The following EPB41 variants were observed in gnomAD, a reference collection of about 807,000 sequenced individuals.
EPB41 encodes protein 4.1.
EPB41 carries 65 observed loss-of-function variants against 108.0 expected under a neutral mutation model. That is an observed-to-expected ratio of 0.60 (90% confidence interval 0.49 to 0.74). The LOEUF is 0.74. EPB41 is among the 30% of genes least tolerant of loss of function. The pLI, the probability that EPB41 is intolerant of heterozygous loss-of-function variation, is 0.00. For synonymous variants in EPB41, 336 were observed against 358.9 expected (o/e 0.94, Z 0.72); for missense variants, 875 against 1,037.0 (o/e 0.84, Z 2.15).
chr1:28,969,843 G>A (rs146742722), intron 1 of EPB41, among the ~76,000 whole-genome samples: 1,792 of 152,296 alleles, frequency 0.012, 35 homozygotes, highest in African/African-American at 0.041. Flanking sequence ...AGAGCTTGCA[G>A]TGAGCCAAGA....
rs779177034 is a variant in EPB41, at chr1:28,953,072, A to AT, written c.-7-34359_-7-34358insT. Among the ~76,000 whole-genome samples, 272 of 116,980 alleles carry AT rather than the reference A, an allele frequency of 2.3e-3. 1 individual carries two copies. Among genetic ancestry groups the AT allele is most frequent in the Middle Eastern group, 0.017 (4 of 232 alleles). The allele number at this position is 116,980 out of a possible 152,430, so 76.7% of individuals were successfully genotyped here. A position where few individuals can be genotyped will look rare whatever the true frequency, so the allele number is the denominator to read the frequency against. On this transcript the variant is annotated intron_variant, in intron 1 of 20. Coordinates refer to ENST00000343067, the MANE Select transcript of EPB41 (RefSeq NM_001376013.1). ...TCAAATTTCTAGTTGTCTCAAATGG[A>AT]ATTTTTTTTTTTTGGTAATTTCATT...
intron 16 of EPB41, among the ~76,000 whole-genome samples, chr1:29,087,450 C>T (rs1216216990): frequency 2.0e-5 from 3 of 152,040 alleles, no homozygotes. Flanking sequence ...GCAACCTCCA[C>T]GTCCTTGGTT....
intron 11 of EPB41, among the ~76,000 whole-genome samples, chr1:29,043,307 C>T (rs1012879886): frequency 5.3e-5 from 8 of 152,096 alleles, no homozygotes; most frequent in Admixed American, 2.0e-4. Context: ...GTGAAGGAGC[C>T]GGCCATCTCA....
At chr1:29,114,611 C>G (rs2151751822) in intron 19 of EPB41, among the ~76,000 whole-genome samples, 1 of 144,776 alleles carries the variant, frequency 6.9e-6, no homozygotes, top group East Asian at 2.0e-4. Context: ...CCACTGCACT[C>G]CAGCCTGGGC....
At chr1:29,011,301 G>A (rs1038871178) in intron 4 of EPB41, among the ~76,000 whole-genome samples, 1 of 151,714 alleles carries the variant, frequency 6.6e-6, no homozygotes, top group African/African-American at 2.4e-5. Flanking sequence ...CGAGGCGGAG[G>A]TTGCAGTGAG....
chr1:28,946,370 G>T (rs1354188696), intron 1 of EPB41, among the ~76,000 whole-genome samples: 1 of 152,114 alleles, frequency 6.6e-6, no homozygotes, highest in Non-Finnish European at 1.5e-5. Context: ...GCCTCCCAAA[G>T]TGCTGGGATT....
At position 28,887,721 on chromosome 1, in the gene EPB41, A is replaced by G. The variant is rs1373534548; in HGVS notation, c.-8+511A>G. ...TACGTAACTGACTTTGAGTTTCCGGACCCAGGAACCGACCCGCCAGCTGGG... is the reference window on the plus strand; with the variant it reads ...TACGTAACTGACTTTGAGTTTCCGGGCCCAGGAACCGACCCGCCAGCTGGG... On this transcript the variant is annotated intron_variant, in intron 1 of 16. Transcript: ENST00000347529. The surrounding 1 kb of genome is among the most constrained non-coding windows in gnomAD (Gnocchi z 4.9). 5 of 982,240 alleles carry G rather than the reference A, an allele frequency of 5.1e-6. No individual in the cohort carries two copies. In the African/African-American group the frequency reaches 8.8e-5, roughly 17 times the overall value. The allele number at this position is 982,240 out of a possible 1,614,324, so 60.8% of individuals were successfully genotyped here.
At chr1:28,924,947 C>T (rs1557686675) in intron 1 of EPB41, among the ~76,000 whole-genome samples, 2 of 151,050 alleles carry the variant, frequency 1.3e-5, no homozygotes, top group South Asian at 4.2e-4. Context: ...CAGGCACACA[C>T]CACTATGCCT....
At chr1:29,100,499 G>A (rs1028669220) in intron 17 of EPB41, among the ~76,000 whole-genome samples, 1 of 147,266 alleles carries the variant, frequency 6.8e-6, no homozygotes, top group Non-Finnish European at 1.5e-5. Flanking sequence ...ATAAAAGCAC[G>A]TGCATTGCAA....
chr1:29,098,976 C>T (rs1055464873), intron 17 of EPB41, among the ~76,000 whole-genome samples: 24 of 149,030 alleles, frequency 1.6e-4, no homozygotes, highest in East Asian at 6.2e-4. Context: ...CTGCCTGCCG[C>T]GGCCTCCCAA....
At chr1:29,100,398 G>A (rs1664901164) in intron 17 of EPB41, among the ~76,000 whole-genome samples, 1 of 141,888 alleles carries the variant, frequency 7.0e-6, no homozygotes, top group Admixed American at 7.6e-5. Context: ...GGAGGCGGAG[G>A]TTGCGGTTAG....
rs868863768 is a variant in EPB41, at chr1:28,887,258, G to A, written c.-8+48G>A. On this transcript the variant is annotated intron_variant, in intron 1 of 16. Coordinates refer to the EPB41 transcript ENST00000347529. The surrounding 1 kb of genome is among the most constrained non-coding windows in gnomAD (Gnocchi z 4.9). ...GCGACCCTCGGTCCCCGGGAGGGACGGGGTTAGGGACAGAAGAACCTACCC... is the reference window on the plus strand; with the variant it reads ...GCGACCCTCGGTCCCCGGGAGGGACAGGGTTAGGGACAGAAGAACCTACCC... 2.4e-6 allele frequency: 3 copies of A among 1,274,024 alleles called. No individual in the cohort carries two copies. The highest frequency in any genetic ancestry group is 1.0e-6 in the Non-Finnish European group (1 of 982,400). 78.9% of individuals were successfully genotyped at this position (1,274,024 alleles called of 1,614,324 possible). A position where few individuals can be genotyped will look rare whatever the true frequency, so the allele number is the denominator to read the frequency against.
chr1:28,976,467 A>G (rs375385397), intron 1 of EPB41, among the ~76,000 whole-genome samples: 2 of 152,092 alleles, frequency 1.3e-5, no homozygotes, highest in African/African-American at 4.8e-5. Context: ...TGATCCTCCT[A>G]CCTCAGACTC....
chr1:29,104,111 T>G (rs1391786155), intron 17 of EPB41, among the ~76,000 whole-genome samples: 1 of 152,228 alleles, frequency 6.6e-6, no homozygotes, highest in African/African-American at 2.4e-5. Context: ...GTGCCTCAGT[T>G]TCCTCATTTG....
At chr1:29,042,937 C>T (rs1572958001) in intron 11 of EPB41, among the ~76,000 whole-genome samples, 1 of 152,108 alleles carries the variant, frequency 6.6e-6, no homozygotes, top group Non-Finnish European at 1.5e-5. Flanking sequence ...AATGGAAGTG[C>T]TAAGAGTGAA....
At chr1:29,075,690 A>G (rs1265671247) in intron 16 of EPB41, among the ~76,000 whole-genome samples, 1 of 152,202 alleles carries the variant, frequency 6.6e-6, no homozygotes, top group Non-Finnish European at 1.5e-5. Flanking sequence ...AAGTCTTCAT[A>G]TTTATAAGAT....
At chr1:28,988,600 T>C (rs1346146672) in intron 2 of EPB41, among the ~76,000 whole-genome samples, 4 of 152,170 alleles carry the variant, frequency 2.6e-5, no homozygotes, top group Admixed American at 6.5e-5. Flanking sequence ...CCTCAGGTAA[T>C]CTGTCCACCT....
intron 5 of EPB41, among the ~76,000 whole-genome samples, chr1:29,012,458 T>G (rs970149688): frequency 1.3e-5 from 2 of 152,206 alleles, no homozygotes; most frequent in South Asian, 2.1e-4. Context: ...CCTTCTGACA[T>G]TGTGGCTTTG....
intron 1 of EPB41, among the ~76,000 whole-genome samples, chr1:28,915,213 C>G (rs1276846661): frequency 6.6e-6 from 1 of 152,144 alleles, no homozygotes; most frequent in Non-Finnish European, 1.5e-5. Flanking sequence ...AGAAGTCAGG[C>G]GGAATCTGAG....
Sources: gnomAD v4.1 joint callset for allele counts (sites outside exome capture counted in the v4.1 genomes callset) on GRCh38, gnomAD v4.1.1 for gene constraint, Gnocchi (gnomAD v3.1) non-coding constraint, MANE v1.5 for transcripts, NCBI Gene and HGNC (gene_info 2026-07-23, HGNC 2026-07-21) for gene names.